The following UTP4 variants were observed in gnomAD, a reference collection of about 807,000 sequenced individuals.
The protein encoded by UTP4 is U3 small nucleolar RNA-associated protein 4 homolog.
UTP4 carries 45 observed loss-of-function variants against 82.4 expected under a neutral mutation model. The observed-to-expected ratio is 0.55, with a 90% confidence interval of 0.43 to 0.70. The LOEUF is 0.70. Ranked by LOEUF, UTP4 falls within the 30% of genes least tolerant of loss-of-function variation. UTP4 has a pLI of 0.00. For synonymous variants in UTP4, 348 were observed against 300.3 expected, an observed-to-expected ratio of 1.16 and a Z score of -1.64; for missense variants, 819 against 858.3, an observed-to-expected ratio of 0.95 and a Z score of 0.57.
Position 69,150,847 on chromosome 16 carries a change from G to A in UTP4, c.945G>A (p.Met315Ile). 6.2e-7 allele frequency: 1 copy of A among 1,614,094 alleles called. No homozygotes were observed. Among genetic ancestry groups the A allele is most frequent in the African/African-American group, 1.3e-5 (1 of 75,012 alleles). Residue 315 changes from methionine to isoleucine, a missense_variant, in exon 8 of 17, where the codon ATG (methionine) becomes ATA (isoleucine). Coordinates refer to ENST00000314423, the MANE Select transcript of UTP4 (RefSeq NM_032830.3). ...CCCACTTAGTCTTTCGTCCTCTCATGGAGAAGGTGGAAGTAAAGAATTACG... is the reference window on the plus strand; with the variant it reads ...CCCACTTAGTCTTTCGTCCTCTCATAGAGAAGGTGGAAGTAAAGAATTACG... ...TDTHLVFRPL[M>I]EKVEVKNYDA...
intron 12 of UTP4, among the ~76,000 whole-genome samples, chr16:69,158,988 AC>A (rs1201630418): frequency 6.6e-6 from 1 of 152,154 alleles, no homozygotes; most frequent in Non-Finnish European, 1.5e-5. Flanking sequence ...TGCTAAATAC[AC>A]AGCAGGCATC....
At chr16:69,137,460 A>T (rs1332542590) in intron 3 of UTP4, among the ~76,000 whole-genome samples, 1 of 152,216 alleles carries the variant, frequency 6.6e-6, no homozygotes, top group Non-Finnish European at 1.5e-5. Flanking sequence ...TTTAGGTTAT[A>T]ATGTTAGTAG....
chr16:69,168,132 C>T (rs1040648137), intron 16 of UTP4, among the ~76,000 whole-genome samples: 2 of 152,102 alleles, frequency 1.3e-5, no homozygotes, highest in African/African-American at 4.8e-5. Flanking sequence ...TATGAGTGAA[C>T]TTAGTTAAAA....
At chr16:69,132,748 G>A in intron 1 of UTP4, 59 bp downstream of exon 1, 1 of 242,358 alleles carries the variant, frequency 4.1e-6, no homozygotes, top group South Asian at 3.3e-5. Flanking sequence ...CTTACAAGGT[G>A]GCCGGCCCAG....
intron 6 of UTP4, among the ~76,000 whole-genome samples, chr16:69,148,121 A>G (rs1383596903): frequency 1.3e-5 from 2 of 151,468 alleles, no homozygotes; most frequent in Non-Finnish European, 2.9e-5. Flanking sequence ...ACACCCGGCT[A>G]ATTTTTTGTA....
At chr16:69,139,784 A>C in intron 4 of UTP4, 41 bp from the exon 5 acceptor site, 2 of 1,303,152 alleles carry the variant, frequency 1.5e-6, no homozygotes, top group African/African-American at 2.9e-5. Context: ...TCGTATATTT[A>C]TGTGTATGTC....
intron 13 of UTP4, among the ~76,000 whole-genome samples, chr16:69,160,970 T>C (rs1336179505): frequency 1.3e-5 from 2 of 152,210 alleles, no homozygotes; most frequent in Non-Finnish European, 2.9e-5. Context: ...CCGGAAGCTA[T>C]ACTGTGTAAC....
chr16:69,159,024 G>T (rs1312578494), intron 12 of UTP4, among the ~76,000 whole-genome samples: 1 of 151,838 alleles, frequency 6.6e-6, no homozygotes, highest in Non-Finnish European at 1.5e-5. Flanking sequence ...TATGCTTCAA[G>T]TCTATTGAAC....
chr16:69,139,800 C>A (rs376847093), intron 4 of UTP4, 25 bp from the exon 5 acceptor site: 21 of 1,537,448 alleles, frequency 1.4e-5, no homozygotes, highest in East Asian at 2.2e-5. Flanking sequence ...ATGTCACTTT[C>A]TTTTTTTGTT....
chr16:69,145,371 C>T (rs755375603), intron 6 of UTP4, among the ~76,000 whole-genome samples: 4 of 151,842 alleles, frequency 2.6e-5, no homozygotes, highest in Non-Finnish European at 5.9e-5. Flanking sequence ...AGCGATTCTC[C>T]TGACTCAGCC....
intron 2 of UTP4, among the ~76,000 whole-genome samples, chr16:69,135,583 T>G (rs1487544849): frequency 1.3e-5 from 2 of 152,052 alleles, no homozygotes; most frequent in Non-Finnish European, 2.9e-5. Context: ...AGGTGTGGTG[T>G]TGTATGCCCA....
At chr16:69,142,077 TTGTTTC>T (rs1012905203) in intron 5 of UTP4, 1 of 151,332 alleles carries the variant, frequency 6.6e-6, no homozygotes, top group African/African-American at 2.4e-5. Flanking sequence ...ATTCATTTAT[TTGTTTC>T]TGTTAGTCCG....
chr16:69,136,890 T>C lies in UTP4; in HGVS notation c.351+3T>C. ...GCCCCAGTGGCTCTCAACTTTTGGT[T>C]AGTAAGCAACTATTGGTAATTCAAA... is the stretch of plus-strand genomic sequence containing the variant. On this transcript the variant is annotated splice_donor_region_variant and intron_variant, in intron 3 of 16. Coordinates refer to ENST00000314423, the MANE Select transcript of UTP4 (RefSeq NM_032830.3). 1 of 1,614,092 alleles carries C rather than the reference T, an allele frequency of 6.2e-7. No homozygotes were observed. Among genetic ancestry groups the C allele is most frequent in the South Asian group, 1.1e-5 (1 of 91,074 alleles).
chr16:69,139,999 G>GAAACCATGACAAA, intron 5 of UTP4, 85 bp downstream of exon 5: 2 of 966,304 alleles, frequency 2.1e-6, no homozygotes, highest in Non-Finnish European at 3.4e-6. Context: ...CCTTTGTCAT[G>GAAACCATGACAAA]GTTTCATGAC....
chr16:69,141,799 A>G (rs1019046094), intron 5 of UTP4, among the ~76,000 whole-genome samples: 2 of 150,310 alleles, frequency 1.3e-5, no homozygotes, highest in African/African-American at 4.9e-5. Context: ...TTTATGTTTC[A>G]TTATACAGAA....
chr16:69,150,737 C>T, intron 7 of UTP4, 29 bp downstream of exon 7: 1 of 1,614,114 alleles, frequency 6.2e-7, no homozygotes. Flanking sequence ...GAGGCTGCTG[C>T]TTTACCCTGC....
chr16:69,146,722 C>T (rs952810746), intron 6 of UTP4, among the ~76,000 whole-genome samples: 10 of 150,614 alleles, frequency 6.6e-5, no homozygotes, highest in Non-Finnish European at 1.2e-4. Flanking sequence ...TTAAGCCGGG[C>T]GCGGTGGCTC....
Position 69,133,608 on chromosome 16 carries a change from T to G in UTP4, c.149T>G (p.Phe50Cys). The stretch of plus-strand genomic sequence containing the variant: ...ATTTATAACTTGTCAGCAAACTACT[T>G]TCAGGAGAAAGTAAGTCATTTGGGA... ...VEIYNLSANY[F>C]QEKFFPGHES... Residue 50 changes from phenylalanine to cysteine, a missense_variant, in exon 2 of 17, where the codon TTT (phenylalanine) becomes TGT (cysteine). Physicochemically the swap from Phe to Cys is radical, Grantham distance 205. Coordinates refer to ENST00000314423, the MANE Select transcript of UTP4 (RefSeq NM_032830.3). 1 of 1,614,104 alleles carries G rather than the reference T, an allele frequency of 6.2e-7. No homozygotes were observed. The highest frequency in any genetic ancestry group is 8.5e-7 in the Non-Finnish European group (1 of 1,179,986).
chr16:69,160,533 T>G, intron 13 of UTP4, 71 bp downstream of exon 13: 2 of 1,097,046 alleles, frequency 1.8e-6, no homozygotes, highest in Non-Finnish European at 2.8e-6. Flanking sequence ...AGTTACAAGA[T>G]TCAAGGCAGA....
Sources: gnomAD v4.1 joint callset for allele counts (sites outside exome capture counted in the v4.1 genomes callset) on GRCh38, gnomAD v4.1.1 for gene constraint, MANE v1.5 for transcripts, NCBI Gene and HGNC (gene_info 2026-07-23, HGNC 2026-07-21) for gene names.